The following BUB1 variants were observed in gnomAD, a reference collection of about 807,000 sequenced individuals.
BUB1 encodes BUB1 mitotic checkpoint serine/threonine kinase.
Under a neutral mutation model 135.2 loss-of-function variants are expected in BUB1, and 84 were observed. The observed-to-expected ratio is 0.62, with a 90% CI of 0.52 to 0.74. BUB1 has a LOEUF of 0.74. Ranked by LOEUF, BUB1 falls within the 30% of genes least tolerant of loss-of-function variation. The pLI is 0.00. For synonymous variants in BUB1, 403 were observed against 434.4 expected (o/e 0.93, Z 0.90); for missense variants, 1,162 against 1,288.3 (o/e 0.90, Z 1.50).
intron 1 of BUB1, among the ~76,000 whole-genome samples, chr2:110,677,327 T>G (rs1329818032): frequency 6.6e-6 from 1 of 152,188 alleles, no homozygotes. Flanking sequence ...CGGACCAGTT[T>G]TACTTCCTGA....
chr2:110,644,058 C>CAAAAAAAAAAAAAAAAAAA (rs58393999), intron 19 of BUB1, among the ~76,000 whole-genome samples: 22 of 39,664 alleles, frequency 5.5e-4, no homozygotes, highest in African/African-American at 1.4e-3. Context: ...AACTGAAATG[C>CAAAAAAAAAAAAAAAAAAA]AAAAAAAAAA....
chr2:110,652,846 T>C (rs1322001095), intron 17 of BUB1, among the ~76,000 whole-genome samples: 2 of 152,244 alleles, frequency 1.3e-5, no homozygotes, highest in Admixed American at 1.3e-4. Context: ...ATTTTAGGTA[T>C]AAAGAAATGT....
intron 15 of BUB1, among the ~76,000 whole-genome samples, chr2:110,656,304 G>T (rs1183292113): frequency 6.6e-6 from 1 of 152,114 alleles, no homozygotes; most frequent in East Asian, 1.9e-4. Context: ...CTGTAGTTTG[G>T]ATTTCACCTT....
intron 19 of BUB1, 88 bp downstream of exon 19, chr2:110,649,146 A>ATC: frequency 9.5e-7 from 1 of 1,052,730 alleles, no homozygotes; most frequent in Non-Finnish European, 1.3e-6. Flanking sequence ...AAATAGGAGA[A>ATC]TCACACACAC....
intron 10 of BUB1, chr2:110,661,294 A>C: frequency 9.4e-5 from 31 of 328,064 alleles, no homozygotes; most frequent in East Asian, 3.3e-4. Flanking sequence ...ATTTTAGCCT[A>C]ACAGCTGTAT....
chr2:110,638,091 A>G lies in BUB1; in HGVS notation c.3131T>C (p.Leu1044Pro), dbSNP rs55839851. The G allele has an allele frequency of 2.3e-5, 37 of 1,612,634 alleles. No individual in the cohort carries two copies. Among genetic ancestry groups the G allele is most frequent in the Non-Finnish European group, 2.8e-5 (33 of 1,179,462 alleles). ...VMLNIPDCHH[L>P]PSLDLLRQKL... ...TTGCCTTAACAAATCCAAAGATGGAAGATGATGACAATCTGGAATATTCAA... is the reference window on the plus strand; with the variant it reads ...TTGCCTTAACAAATCCAAAGATGGAGGATGATGACAATCTGGAATATTCAA... Residue 1044 changes from leucine to proline, a missense_variant, in exon 25 of 25, where the codon CTT becomes CCT. By Grantham distance (98) the Leu-to-Pro change is moderately conservative (BLOSUM62 -3). Coordinates refer to ENST00000302759, the MANE Select transcript of BUB1 (RefSeq NM_004336.5).
intron 1 of BUB1, among the ~76,000 whole-genome samples, chr2:110,677,486 T>C (rs1690622362): frequency 6.6e-6 from 1 of 152,196 alleles, no homozygotes; most frequent in Admixed American, 6.5e-5. Context: ...AAGCTATTTT[T>C]TTTCAATTTT....
intron 8 of BUB1, 65 bp downstream of exon 8, chr2:110,667,452 GTAAT>G: frequency 7.1e-7 from 1 of 1,414,842 alleles, no homozygotes; most frequent in Non-Finnish European, 9.6e-7. Flanking sequence ...CTTTAAAAAA[GTAAT>G]TACTCAGAGA....
chr2:110,640,915 C>T, intron 23 of BUB1, 119 bp downstream of exon 23: 1 of 1,024,600 alleles, frequency 9.8e-7, no homozygotes, highest in Non-Finnish European at 1.4e-6. Flanking sequence ...AGGCTCATCT[C>T]TCCTTCAACT....
intron 17 of BUB1, 142 bp downstream of exon 17, chr2:110,653,294 A>G: frequency 1.4e-6 from 1 of 735,550 alleles, no homozygotes. Flanking sequence ...TAAAGCTACT[A>G]GTCCATAAAA....
At chr2:110,674,483 C>A in intron 1 of BUB1, 118 bp from the exon 2 acceptor site, 1 of 814,398 alleles carries the variant, frequency 1.2e-6, no homozygotes, top group Non-Finnish European at 2.0e-6. Context: ...AAATATCAAT[C>A]ATTTTATATA....
At chr2:110,638,407 G>A (rs1689417985) in intron 24 of BUB1, among the ~76,000 whole-genome samples, 1 of 152,168 alleles carries the variant, frequency 6.6e-6, no homozygotes, top group East Asian at 1.9e-4. Context: ...AATACTGCAA[G>A]TCAAAAAATT....
chr2:110,641,234 G>T, intron 22 of BUB1, 29 bp from the exon 23 acceptor site: 1 of 1,587,278 alleles, frequency 6.3e-7, no homozygotes, highest in Non-Finnish European at 8.6e-7. Flanking sequence ...AAGCCAGGCT[G>T]CATGAGCACA....
intron 19 of BUB1, among the ~76,000 whole-genome samples, chr2:110,644,252 T>C (rs1689584574): frequency 6.6e-6 from 1 of 151,440 alleles, no homozygotes; most frequent in African/African-American, 2.4e-5. Context: ...TGGGAGGCCA[T>C]GATGGGCGGA....
At chr2:110,657,956 C>T (rs1015958332) in intron 13 of BUB1, among the ~76,000 whole-genome samples, 7 of 152,186 alleles carry the variant, frequency 4.6e-5, no homozygotes, top group African/African-American at 1.4e-4. Flanking sequence ...TTTTCCATTT[C>T]CTTCAAGAAA....
At chr2:110,639,647 G>A (rs1488311325) in intron 24 of BUB1, 95 bp downstream of exon 24, 21 of 1,011,740 alleles carry the variant, frequency 2.1e-5, no homozygotes, top group African/African-American at 1.8e-4. Context: ...ATTTCCATGC[G>A]GTGGCAGAGA....
intron 6 of BUB1, among the ~76,000 whole-genome samples, chr2:110,669,152 T>G (rs1003264886): frequency 4.6e-5 from 7 of 152,116 alleles, no homozygotes; most frequent in Admixed American, 4.6e-4. Flanking sequence ...CCAGAGCCTA[T>G]GCAGAGGCCA....
chr2:110,662,363 C>G (rs1156990463), intron 9 of BUB1, among the ~76,000 whole-genome samples: 1 of 152,200 alleles, frequency 6.6e-6, no homozygotes, highest in African/African-American at 2.4e-5. Context: ...TGTCTCACAA[C>G]AGGAAGCATA....
At position 110,658,648 on chromosome 2, in the gene BUB1, C is replaced by A; in HGVS notation, c.1371G>T (p.Gln457His). The A allele has an allele frequency of 2.5e-6, 4 of 1,614,192 alleles. No homozygotes were observed. The highest frequency in any genetic ancestry group is 3.4e-6 in the Non-Finnish European group (4 of 1,180,030). ...GMVQATPSKV[Q>H]PSPTVHTKEA... ...CTTTTGTGTGCACGGTGGGTGATGG[C>A]TGCACTTTGGATGGCGTTGCCTGAA... The change falls in exon 12 of 25, where the codon CAG becomes CAT. Residue 457 changes from glutamine to histidine, a missense_variant. Coordinates refer to ENST00000302759, the MANE Select transcript of BUB1 (RefSeq NM_004336.5).
Sources: gnomAD v4.1 joint callset for allele counts (sites outside exome capture counted in the v4.1 genomes callset) on GRCh38, gnomAD v4.1.1 for gene constraint, MANE v1.5 for transcripts, NCBI Gene and HGNC (gene_info 2026-07-23, HGNC 2026-07-21) for gene names.